Variants in ZNF423 observed in about 807,000 individuals in gnomAD.
The protein encoded by ZNF423 is Ebf-associated zinc finger protein.
In ZNF423, 12 loss-of-function variants were observed where a neutral mutation model predicts 95.8. The observed-to-expected ratio is 0.13, with a 90% CI of 0.08 to 0.20. ZNF423 has a LOEUF of 0.20. Among genes scored for constraint, ZNF423 ranks in the 10% least tolerant of loss-of-function variants. The probability of loss-of-function intolerance (pLI) is 1.00; values close to 1 mark genes in which losing one functional copy is unlikely to be tolerated. For missense variants in ZNF423, 1,316 were observed against 1,737.1 expected (o/e 0.76, Z 4.31); for synonymous variants, 749 against 711.9 (o/e 1.05, Z -0.83).
chr16:49,792,186 C>A (rs959265559), intron 1 of ZNF423, among the ~76,000 whole-genome samples: 2 of 149,604 alleles, frequency 1.3e-5, no homozygotes, highest in Admixed American at 6.7e-5. Context: ...TCTCCTCTGA[C>A]CTCTGTGCAC....
rs149533799 is a variant in ZNF423, at chr16:49,777,652, C to T, written c.100+11835G>A. 8.5e-5 allele frequency among the ~76,000 whole-genome samples: 13 copies of T among 152,294 alleles called. No individual in the cohort carries two copies. The East Asian group carries it at 2.5e-3, about 29-fold the overall frequency. The stretch of plus-strand genomic sequence containing the variant: ...AAGATGCAGTAAGTCTCCACTGAGT[C>T]CCAGGCACTGTGAATTAGCAACTAC... On this transcript the variant is annotated intron_variant, in intron 2 of 7. Transcript: ENST00000563137.
intron 1 of ZNF423, among the ~76,000 whole-genome samples, chr16:49,834,366 A>G (rs774910232): frequency 1.3e-5 from 2 of 152,224 alleles, no homozygotes; most frequent in Non-Finnish European, 2.9e-5. Context: ...GATGGAGGTT[A>G]GCTATCTGCT....
chr16:49,511,603 G>A (rs1159169993), intron 7 of ZNF423, among the ~76,000 whole-genome samples: 2 of 152,308 alleles, frequency 1.3e-5, no homozygotes, highest in Admixed American at 6.5e-5. Context: ...TACTACTTTG[G>A]GGTGAGGGGC....
chr16:49,594,847 T>C (rs1971132586), intron 5 of ZNF423, among the ~76,000 whole-genome samples: 1 of 152,024 alleles, frequency 6.6e-6, no homozygotes, highest in South Asian at 2.1e-4. Context: ...AGACATACCC[T>C]CAGGAGCTAC....
chr16:49,747,329 A>G (rs2033546684), intron 2 of ZNF423, among the ~76,000 whole-genome samples: 1 of 152,070 alleles, frequency 6.6e-6, no homozygotes, highest in Non-Finnish European at 1.5e-5. Context: ...AGAGGGAAAA[A>G]AAAAGCAAGT....
intron 2 of ZNF423, among the ~76,000 whole-genome samples, chr16:49,732,326 C>A (rs1459339068): frequency 6.6e-6 from 1 of 152,168 alleles, no homozygotes; most frequent in Non-Finnish European, 1.5e-5. Flanking sequence ...GTAAATATAA[C>A]CCACAGAATA....
intron 3 of ZNF423, among the ~76,000 whole-genome samples, chr16:49,697,298 CAGAA>C (rs2032010875): frequency 1.3e-5 from 2 of 152,216 alleles, no homozygotes; most frequent in South Asian, 4.2e-4. Context: ...GAGCAGCTCC[CAGAA>C]AGAGAGAGAA....
intron 1 of ZNF423, among the ~76,000 whole-genome samples, chr16:49,793,104 C>A (rs145181647): frequency 6.6e-6 from 1 of 152,080 alleles, no homozygotes; most frequent in South Asian, 2.1e-4. Context: ...CAACACCCAA[C>A]CCCCCACCAC....
chr16:49,538,491 A>G (rs1969133401), intron 5 of ZNF423, among the ~76,000 whole-genome samples: 1 of 152,106 alleles, frequency 6.6e-6, no homozygotes, highest in South Asian at 2.1e-4. Flanking sequence ...TGCCACATTC[A>G]GACACACTGC....
At chr16:49,502,287 G>C (rs1316353113) in intron 7 of ZNF423, among the ~76,000 whole-genome samples, 3 of 152,170 alleles carry the variant, frequency 2.0e-5, no homozygotes, top group African/African-American at 7.2e-5. Context: ...GACTCGGTGT[G>C]GTTAAGTTCT....
At chr16:49,657,453 G>A (rs534711394) in intron 3 of ZNF423, among the ~76,000 whole-genome samples, 3 of 152,326 alleles carry the variant, frequency 2.0e-5, no homozygotes, top group Non-Finnish European at 4.4e-5. Flanking sequence ...GGCCCCCTGG[G>A]AATTCAGCAG....
intron 5 of ZNF423, among the ~76,000 whole-genome samples, chr16:49,552,809 C>G (rs758628913): frequency 6.6e-6 from 1 of 151,858 alleles, no homozygotes; most frequent in Non-Finnish European, 1.5e-5. Flanking sequence ...GCTCAGAGGC[C>G]GGGCCATGAT....
At chr16:49,859,266 G>C (rs1415932725), upstream of ZNF423, among the ~76,000 whole-genome samples, 1 of 151,974 alleles carries the variant, frequency 6.6e-6, no homozygotes, top group Admixed American at 6.6e-5. Context: ...GACCTAATCC[G>C]AAAGGACGAG....
At chr16:49,805,958 C>G (rs1210615037) in intron 1 of ZNF423, among the ~76,000 whole-genome samples, 2 of 152,250 alleles carry the variant, frequency 1.3e-5, no homozygotes, top group Non-Finnish European at 2.9e-5. Flanking sequence ...GAACCGCCTG[C>G]CTGGACCTTA....
intron 5 of ZNF423, among the ~76,000 whole-genome samples, chr16:49,591,312 A>G (rs9927641): frequency 0.44 from 66,302 of 151,844 alleles, 15,496 homozygotes; most frequent in East Asian, 0.63. Context: ...TAAGTCCACC[A>G]CAAACTAAAC....
At chr16:49,771,442 T>G (rs1418913128) in intron 2 of ZNF423, among the ~76,000 whole-genome samples, 1 of 152,260 alleles carries the variant, frequency 6.6e-6, no homozygotes, top group Admixed American at 6.5e-5. Context: ...TGACCTCAAG[T>G]GATCCTCCTG....
At chr16:49,815,330 G>A (rs1362697051) in intron 1 of ZNF423, among the ~76,000 whole-genome samples, 2 of 152,190 alleles carry the variant, frequency 1.3e-5, no homozygotes, top group South Asian at 2.1e-4. Flanking sequence ...ATCTCGATAC[G>A]GGGTCAGGAC....
At chr16:49,715,385 C>T (rs1312354226) in intron 3 of ZNF423, among the ~76,000 whole-genome samples, 2 of 152,028 alleles carry the variant, frequency 1.3e-5, no homozygotes, top group African/African-American at 2.4e-5. Flanking sequence ...AAAGAACACC[C>T]GGGGAAGGCA....
In ZNF423 at chr16:49,491,178, T is replaced by G; in HGVS notation, c.*97A>C. On this transcript the variant is annotated 3_prime_UTR_variant, in exon 8 of 8. Coordinates refer to ENST00000563137, the MANE Select transcript of ZNF423 (RefSeq NM_001379286.1). The stretch of plus-strand genomic sequence containing the variant: ...AATCATTAGAGTTTTACATCTGGGT[T>G]GCAAATGACACTTTGATTGGATGTA... 6.2e-6 allele frequency: 9 copies of G among 1,453,510 alleles called. No homozygotes were observed. Among genetic ancestry groups the G allele is most frequent in the Non-Finnish European group, 8.7e-6 (9 of 1,035,226 alleles). 90.0% of individuals were successfully genotyped at this position (1,453,510 alleles called of 1,614,324 possible).
Sources: allele counts gnomAD v4.1 joint callset (sites outside exome capture counted in the v4.1 genomes callset), GRCh38; gene constraint gnomAD v4.1.1; transcripts MANE v1.5; gene names NCBI Gene and HGNC (gene_info 2026-07-23, HGNC 2026-07-21).